The following STXBP5 variants were observed in gnomAD, a reference collection of about 807,000 sequenced individuals.
The protein encoded by STXBP5 is syntaxin-binding protein 5.
STXBP5 carries 50 observed loss-of-function variants against 152.4 expected under a neutral mutation model. The ratio of observed to expected loss-of-function variants is 0.33; its 90% CI spans 0.26 to 0.42. The LOEUF (loss-of-function observed/expected upper bound fraction) is 0.42. STXBP5 is among the 10% of genes least tolerant of loss of function. The pLI, the probability that STXBP5 is intolerant of heterozygous loss-of-function variation, is 1.00. For synonymous variants in STXBP5, 492 were observed against 494.7 expected (o/e 0.99, Z 0.07); for missense variants, 1,167 against 1,388.6 (o/e 0.84, Z 2.54).
Position 147,367,420 on chromosome 6 carries a change from C to G in STXBP5, c.3081+3254C>G, listed in dbSNP as rs373732019. On this transcript the variant is annotated intron_variant, in intron 25 of 27. Transcript: ENST00000321680. ...TTGGGAGGCCGAGGCGGGTGGATCACAAGGTCAGGAGATCGAGACCATCCT... is the reference window on the plus strand; with the variant it reads ...TTGGGAGGCCGAGGCGGGTGGATCAGAAGGTCAGGAGATCGAGACCATCCT... Among the ~76,000 whole-genome samples the G allele has an allele frequency of 1.5e-3, 224 of 152,224 alleles. 1 individual carries two copies. The highest frequency in any genetic ancestry group is 5.1e-3 in the African/African-American group (212 of 41,542).
At chr6:147,231,340 A>G (rs1486104028) in intron 2 of STXBP5, among the ~76,000 whole-genome samples, 1 of 151,868 alleles carries the variant, frequency 6.6e-6, no homozygotes, top group Non-Finnish European at 1.5e-5. Flanking sequence ...CGCCAGTGAT[A>G]ATGGTGCTTG....
intron 4 of STXBP5, among the ~76,000 whole-genome samples, chr6:147,250,744 A>T (rs1779043952): frequency 6.6e-6 from 1 of 152,166 alleles, no homozygotes; most frequent in African/African-American, 2.4e-5. Flanking sequence ...ATGTATCATG[A>T]CAGTTCTGCT....
intron 2 of STXBP5, among the ~76,000 whole-genome samples, chr6:147,222,038 A>C (rs890188277): frequency 6.6e-6 from 1 of 151,850 alleles, no homozygotes; most frequent in Non-Finnish European, 1.5e-5. Context: ...TGTCCAGACT[A>C]CTATGGAGTC....
rs1369799518 is a variant in STXBP5, at chr6:147,278,157, G to A, written c.791G>A (p.Trp264Ter). Reference sequence around the variant, plus strand: ...CATTCAGATGGCACCTTGACTATATGGAATGTAAGGTCCCCTGCTAAACCA... The same window carrying A: ...CATTCAGATGGCACCTTGACTATATAGAATGTAAGGTCCCCTGCTAAACCA... Reference protein sequence around the residue: ...CSHSDGTLTIWNVRSPAKPVQ... With the variant: ...CSHSDGTLTI Residue 264 changes from tryptophan (W) to a stop codon, truncating the protein, a stop_gained, in exon 8 of 28, where the codon TGG (tryptophan) becomes TAG (stop). Coordinates refer to ENST00000321680, the MANE Select transcript of STXBP5 (RefSeq NM_001127715.4). LOFTEE classifies it high-confidence loss of function. The A allele has an allele frequency of 6.2e-7, 1 of 1,612,558 alleles. No homozygotes were observed. Among genetic ancestry groups the A allele is most frequent in the African/African-American group, 1.3e-5 (1 of 74,864 alleles).
intron 19 of STXBP5, among the ~76,000 whole-genome samples, chr6:147,336,810 C>G (rs1783846855): frequency 6.6e-6 from 1 of 151,888 alleles, no homozygotes; most frequent in Non-Finnish European, 1.5e-5. Context: ...AGCCATATGC[C>G]TTTATCAAAA....
At chr6:147,243,939 T>TTCTGGTTG (rs1778674824) in intron 4 of STXBP5, among the ~76,000 whole-genome samples, 1 of 152,158 alleles carries the variant, frequency 6.6e-6, no homozygotes, top group African/African-American at 2.4e-5. Flanking sequence ...TGGTTGTCTA[T>TTCTGGTTG]TCTGTTTAAG....
At chr6:147,329,792 AT>A (rs909027820) in intron 18 of STXBP5, among the ~76,000 whole-genome samples, 1 of 151,024 alleles carries the variant, frequency 6.6e-6, no homozygotes, top group Non-Finnish European at 1.5e-5. Context: ...CACCCGGCTA[AT>A]TTTTTTTGTA....
chr6:147,312,157 C>A (rs953819233), intron 11 of STXBP5, among the ~76,000 whole-genome samples: 1 of 152,102 alleles, frequency 6.6e-6, no homozygotes, highest in Admixed American at 6.6e-5. Context: ...TGTTTCACTG[C>A]CATAAAACTC....
At chr6:147,302,581 C>A (rs1289587194) in intron 9 of STXBP5, among the ~76,000 whole-genome samples, 1 of 151,698 alleles carries the variant, frequency 6.6e-6, no homozygotes, top group African/African-American at 2.4e-5. Flanking sequence ...CTTTGGGAGG[C>A]CTAGGTGGGC....
intron 17 of STXBP5, among the ~76,000 whole-genome samples, chr6:147,325,420 A>G (rs1257342851): frequency 3.3e-5 from 5 of 152,216 alleles, no homozygotes; most frequent in Non-Finnish European, 5.9e-5. Context: ...ATCTAACAAT[A>G]TGAACCCAGA....
At chr6:147,233,488 A>G (rs972121642) in intron 2 of STXBP5, among the ~76,000 whole-genome samples, 28 of 151,774 alleles carry the variant, frequency 1.8e-4, no homozygotes, top group Admixed American at 1.7e-3. Flanking sequence ...CAGTAAGTAT[A>G]ATTTTTATGA....
intron 2 of STXBP5, among the ~76,000 whole-genome samples, chr6:147,227,793 C>T (rs926736245): frequency 3.3e-5 from 5 of 152,058 alleles, no homozygotes; most frequent in Admixed American, 6.6e-5. Flanking sequence ...GTGAACAGTA[C>T]GTATTATACC....
chr6:147,213,434 A>ATGTGTGTGTGTGTG (rs1159372834), intron 2 of STXBP5, among the ~76,000 whole-genome samples: 42 of 85,590 alleles, frequency 4.9e-4, no homozygotes, highest in African/African-American at 5.6e-4. Flanking sequence ...AATTTTATAT[A>ATGTGTGTGTGTGTG]TGTGTGTGTG....
At chr6:147,328,996 A>G (rs956424145) in intron 18 of STXBP5, among the ~76,000 whole-genome samples, 11 of 152,262 alleles carry the variant, frequency 7.2e-5, no homozygotes, top group Non-Finnish European at 1.3e-4. Context: ...ATTTAATGCT[A>G]GAATGTTAGA....
At chr6:147,230,094 T>C (rs1582814396) in intron 2 of STXBP5, among the ~76,000 whole-genome samples, 1 of 151,926 alleles carries the variant, frequency 6.6e-6, no homozygotes, top group Non-Finnish European at 1.5e-5. Flanking sequence ...TGTCAGATTT[T>C]TTTCTACACC....
chr6:147,371,822 A>G (rs1455331900), intron 25 of STXBP5, among the ~76,000 whole-genome samples: 1 of 152,198 alleles, frequency 6.6e-6, no homozygotes, highest in African/African-American at 2.4e-5. Flanking sequence ...CCTTTAAACT[A>G]TCGCTGTTGG....
intron 4 of STXBP5, among the ~76,000 whole-genome samples, chr6:147,245,574 C>G (rs1378291454): frequency 1.3e-5 from 2 of 152,124 alleles, no homozygotes; most frequent in South Asian, 2.1e-4. Flanking sequence ...ACTTTACTTA[C>G]CTGTCCTCTG....
chr6:147,219,594 T>A (rs902248179), intron 2 of STXBP5, among the ~76,000 whole-genome samples: 4 of 152,146 alleles, frequency 2.6e-5, no homozygotes, highest in Non-Finnish European at 4.4e-5. Context: ...GATTGTTTCT[T>A]CTTGTCTGAG....
At chr6:147,232,574 A>C (rs1413737201) in intron 2 of STXBP5, among the ~76,000 whole-genome samples, 3 of 151,806 alleles carry the variant, frequency 2.0e-5, no homozygotes, top group Non-Finnish European at 4.4e-5. Flanking sequence ...CCTTATTTAC[A>C]GGAAAAGGGA....
Sources: gnomAD v4.1 joint callset for allele counts (sites outside exome capture counted in the v4.1 genomes callset) on GRCh38, gnomAD v4.1.1 for gene constraint, MANE v1.5 for transcripts, NCBI Gene and HGNC (gene_info 2026-07-23, HGNC 2026-07-21) for gene names.